Variants in TMEM65 observed in about 807,000 individuals in gnomAD.
TMEM65 encodes transmembrane protein 65.
A neutral mutation model predicts 25.4 loss-of-function variants in TMEM65; 22 were observed. The observed-to-expected ratio is 0.86, with a 90% CI of 0.62 to 1.23. TMEM65 has a LOEUF of 1.23. Among genes scored for constraint, TMEM65 ranks in the 50% most tolerant of loss-of-function variants. The probability of loss-of-function intolerance (pLI) is 0.00; values close to 1 mark genes in which losing one functional copy is unlikely to be tolerated. For missense variants in TMEM65, 262 were observed against 308.2 expected (o/e 0.85, Z 1.12); for synonymous variants, 132 against 126.2 (o/e 1.05, Z -0.31).
intron 1 of TMEM65, among the ~76,000 whole-genome samples, chr8:124,358,384 C>G (rs1281038319): frequency 6.6e-6 from 1 of 152,086 alleles, no homozygotes; most frequent in African/African-American, 2.4e-5. Context: ...ATATTTTAAG[C>G]CTGAAGGTTT....
intron 1 of TMEM65, among the ~76,000 whole-genome samples, chr8:124,365,706 A>G (rs372593870): frequency 7.2e-5 from 11 of 152,206 alleles, no homozygotes. Context: ...AAAAAGGTCA[A>G]TGAGGGAGCA....
chr8:124,367,544 A>T (rs1354268092), intron 1 of TMEM65, among the ~76,000 whole-genome samples: 1 of 152,208 alleles, frequency 6.6e-6, no homozygotes, highest in Non-Finnish European at 1.5e-5. Flanking sequence ...CTGAAAAAAA[A>T]TAAGGATAAT....
intron 6 of TMEM65, among the ~76,000 whole-genome samples, chr8:124,315,449 G>C (rs1814224351): frequency 6.6e-6 from 1 of 151,924 alleles, no homozygotes; most frequent in Non-Finnish European, 1.5e-5. Flanking sequence ...AGCCTCCTGA[G>C]TAGCTGGGAC....
intron 1 of TMEM65, among the ~76,000 whole-genome samples, chr8:124,352,647 G>C (rs949802339): frequency 5.3e-5 from 8 of 152,162 alleles, no homozygotes; most frequent in African/African-American, 1.9e-4. Context: ...ATTTCAGTAA[G>C]TGAGGGGAGG....
intron 1 of TMEM65, among the ~76,000 whole-genome samples, chr8:124,344,899 T>C (rs1345075424): frequency 1.3e-5 from 2 of 152,160 alleles, no homozygotes; most frequent in Non-Finnish European, 2.9e-5. Flanking sequence ...TCAGCTTACC[T>C]GACATTAACA....
chr8:124,332,953 G>C (rs566841674), intron 1 of TMEM65, among the ~76,000 whole-genome samples: 1 of 151,966 alleles, frequency 6.6e-6, no homozygotes, highest in Non-Finnish European at 1.5e-5. Flanking sequence ...CTACAGGTGT[G>C]TGCCACCACA....
chr8:124,368,535 C>T (rs1814970793), intron 1 of TMEM65, among the ~76,000 whole-genome samples: 1 of 152,200 alleles, frequency 6.6e-6, no homozygotes, highest in Non-Finnish European at 1.5e-5. Context: ...TGGCTTCCAG[C>T]TTAGGTGCCC....
At position 124,372,004 on chromosome 8, in the gene TMEM65, TG is replaced by T; in HGVS notation, c.153del (p.Arg52GlyfsTer15). 3 of 1,342,416 alleles carry T rather than the reference TG, an allele frequency of 2.2e-6. No individual in the cohort carries two copies. 83.2% of individuals were successfully genotyped at this position (1,342,416 alleles called of 1,614,324 possible). On this transcript the variant is annotated frameshift_variant, in exon 1 of 7. Transcript: ENST00000297632. LOFTEE classifies it high-confidence loss of function. ...TTCTTGGGGTGCGTGCCCAGCCGCC[TG>T]GGGCCGCCCGGCAAGCCGCCGGGGG... ...LAPPGGLPGG[P>X]RRLGTHPKKE... is the part of the protein sequence containing the mutation.
intron 1 of TMEM65, among the ~76,000 whole-genome samples, chr8:124,333,223 C>T (rs997180549): frequency 1.3e-5 from 2 of 151,406 alleles, no homozygotes; most frequent in African/African-American, 2.4e-5. Context: ...TGTAAATCAG[C>T]CCAAGGTTTC....
rs80016571 is a variant in TMEM65, at chr8:124,364,469, A to G, written c.304+7385T>C. Among the ~76,000 whole-genome samples the G allele has an allele frequency of 7.4e-3, 1,123 of 152,308 alleles. 10 individuals carry two copies. The highest frequency in any genetic ancestry group is 0.026 in the African/African-American group (1,060 of 41,546). ...GCAGTGTTCTGGAGGCATTTGGTGT[A>G]ATGATTAGCATGTCTACAAATAGAA... On this transcript the variant is annotated intron_variant, in intron 1 of 6. Transcript: ENST00000297632.
At chr8:124,347,967 C>T (rs955890748) in intron 1 of TMEM65, among the ~76,000 whole-genome samples, 31 of 150,854 alleles carry the variant, frequency 2.1e-4, no homozygotes, top group African/African-American at 7.1e-4. Flanking sequence ...CTCGGCTCAC[C>T]GCAACCTCTG....
chr8:124,327,215 A>G (rs1250009413), intron 3 of TMEM65, 139 bp downstream of exon 3: 1 of 614,572 alleles, frequency 1.6e-6, no homozygotes, highest in African/African-American at 2.0e-5. Flanking sequence ...AAATTGAGCT[A>G]TAGTCTGAGA....
chr8:124,341,572 CT>C (rs1281217861), intron 1 of TMEM65, among the ~76,000 whole-genome samples: 35 of 152,082 alleles, frequency 2.3e-4, no homozygotes, highest in Non-Finnish European at 2.4e-4. Flanking sequence ...AAAGTAATTT[CT>C]TGTGGTCCAT....
At chr8:124,315,811 C>T (rs1436000504) in intron 6 of TMEM65, among the ~76,000 whole-genome samples, 1 of 152,162 alleles carries the variant, frequency 6.6e-6, no homozygotes. Context: ...AGGTATCATT[C>T]ATGCAGAGTT....
At chr8:124,358,929 G>A (rs1053851752) in intron 1 of TMEM65, among the ~76,000 whole-genome samples, 2 of 152,156 alleles carry the variant, frequency 1.3e-5, no homozygotes, top group African/African-American at 2.4e-5. Context: ...ATCTGAGTTT[G>A]AGCAATTTTT....
intron 6 of TMEM65, among the ~76,000 whole-genome samples, chr8:124,317,033 C>T (rs950489223): frequency 6.6e-6 from 1 of 152,106 alleles, no homozygotes; most frequent in African/African-American, 2.4e-5. Flanking sequence ...GATCCTTCTA[C>T]TACTCATATT....
chr8:124,315,689 A>AT (rs1205319518), intron 6 of TMEM65, among the ~76,000 whole-genome samples: 1 of 32,158 alleles, frequency 3.1e-5, no homozygotes, highest in Non-Finnish European at 5.5e-5. Flanking sequence ...TTGCATAAAA[A>AT]TTTTTCAACT....
intron 1 of TMEM65, among the ~76,000 whole-genome samples, chr8:124,366,363 CA>C (rs1226523322): frequency 6.6e-6 from 1 of 152,176 alleles, no homozygotes; most frequent in African/African-American, 2.4e-5. Flanking sequence ...CTCCTTGGGT[CA>C]ACAGTTCCAG....
Position 124,313,188 on chromosome 8 carries a change from A to C in TMEM65, c.*772T>G, listed in dbSNP as rs1457831662. 6.6e-6 allele frequency: 1 copy of C among 151,938 alleles called. No individual in the cohort carries two copies. Among genetic ancestry groups the C allele is most frequent in the East Asian group, 1.9e-4 (1 of 5,196 alleles). The allele number at this position is 151,938 out of a possible 1,614,324, so 9.4% of individuals were successfully genotyped here. Reference sequence around the variant, plus strand: ...ATCCCCATTTCAAAGACTCTAAAATAATCATTTGCTTCCCCTCAAAAGTCA... The same window carrying C: ...ATCCCCATTTCAAAGACTCTAAAATCATCATTTGCTTCCCCTCAAAAGTCA... On this transcript the variant is annotated 3_prime_UTR_variant, in exon 7 of 7. Coordinates refer to ENST00000297632, the MANE Select transcript of TMEM65 (RefSeq NM_194291.3).
Sources: allele counts gnomAD v4.1 joint callset (sites outside exome capture counted in the v4.1 genomes callset), GRCh38; gene constraint gnomAD v4.1.1; transcripts MANE v1.5; gene names NCBI Gene and HGNC (gene_info 2026-07-23, HGNC 2026-07-21).